Variants in RASSF7 observed in about 807,000 individuals in gnomAD.
RASSF7 encodes Ras association domain family member 7, also known as ras association domain-containing protein 7.
In RASSF7, 41 loss-of-function variants were observed where a neutral mutation model predicts 33.8. The ratio of observed to expected loss-of-function variants is 1.21; its 90% CI spans 0.95 to 1.57. The LOEUF (loss-of-function observed/expected upper bound fraction) is 1.57, where lower values mean the gene tolerates loss of function less well. Among genes scored for constraint, RASSF7 ranks in the 40% most tolerant of loss-of-function variants. RASSF7 has a pLI of 0.00. For synonymous variants in RASSF7, 298 were observed against 212.8 expected, an observed-to-expected ratio of 1.40 and a Z score of -3.48; for missense variants, 622 against 497.0, an observed-to-expected ratio of 1.25 and a Z score of -2.39.
In RASSF7 at chr11:562,547, C is replaced by T. The variant is rs1355248364; in HGVS notation, c.593C>T (p.Ala198Val). The change falls in exon 3 of 6, where the codon GCG (alanine) becomes GTG (valine). Residue 198 changes from alanine (A) to valine (V), a missense_variant. Ala to Val is a moderately conservative substitution (Grantham distance 64, BLOSUM62 0). Transcript: ENST00000397583. Reference sequence around the variant, plus strand: ...CAGGCACGCCTGCAGGCACTAAGTGCGGCCACTGCTGAGCATGCCGCCCGG... The same window carrying T: ...CAGGCACGCCTGCAGGCACTAAGTGTGGCCACTGCTGAGCATGCCGCCCGG... ...EGQARLQALSAATAEHAARLQ... is the reference protein window; with the variant it reads ...EGQARLQALSVATAEHAARLQ... 2.3e-5 allele frequency: 35 copies of T among 1,547,346 alleles called. No homozygotes were observed. The highest frequency in any genetic ancestry group is 1.6e-4 in the African/African-American group (12 of 73,020).
In RASSF7 at chr11:561,454, A is replaced by T; in HGVS notation, c.-31A>T. ...GCGGGCGCCTCCGCGCCGCCCGGGG[A>T]GGGGGCAGTGTCCTCCGAGCCAGGT... On this transcript the variant is annotated 5_prime_UTR_variant, in exon 1 of 6. Transcript: ENST00000397583. 1 of 1,163,036 alleles carries T rather than the reference A, an allele frequency of 8.6e-7. No homozygotes were observed. 72.0% of individuals were successfully genotyped at this position (1,163,036 alleles called of 1,614,324 possible). A position where few individuals can be genotyped will look rare whatever the true frequency, so the allele number is the denominator to read the frequency against.
chr11:561,337 G>C lies in RASSF7; in HGVS notation c.-148G>C. The C allele has an allele frequency of 7.0e-6, 7 of 1,005,126 alleles. No individual in the cohort carries two copies. The highest frequency in any genetic ancestry group is 8.3e-6 in the Non-Finnish European group (7 of 843,296). The allele number at this position is 1,005,126 out of a possible 1,614,324, so 62.3% of individuals were successfully genotyped here. ...GACCCGGAGTCTGCTCCATCTGCAG[G>C]GTCGAGGTCTGGGTTGCGACCCCGA... On this transcript the variant is annotated 5_prime_UTR_variant, in exon 1 of 6. Coordinates refer to ENST00000397583, the MANE Select transcript of RASSF7 (RefSeq NM_003475.4).
chr11:562,897 C>T, intron 3 of RASSF7, 121 bp downstream of exon 3: 2 of 880,816 alleles, frequency 2.3e-6, no homozygotes, highest in East Asian at 2.7e-5. Context: ...GTCACTCCCC[C>T]ACCCCTGACG....
In RASSF7 at chr11:561,173, G is replaced by A; in HGVS notation, c.-312G>A. 1.0e-6 allele frequency: 1 copy of A among 984,960 alleles called. No homozygotes were observed. Among genetic ancestry groups the A allele is most frequent in the Non-Finnish European group, 1.2e-6 (1 of 829,778 alleles). The allele number at this position is 984,960 out of a possible 1,614,324, so 61.0% of individuals were successfully genotyped here. Reference sequence around the variant, plus strand: ...GCGCCGCACCTGCGCCCGCCCTGCGGAACGGGGACGCCCTGGCTCCCGCCA... The same window carrying A: ...GCGCCGCACCTGCGCCCGCCCTGCGAAACGGGGACGCCCTGGCTCCCGCCA... On this transcript the variant is annotated 5_prime_UTR_variant, in exon 1 of 6. Coordinates refer to ENST00000397583, the MANE Select transcript of RASSF7 (RefSeq NM_003475.4).
At position 563,420 on chromosome 11, in the gene RASSF7, G is replaced by T. The variant is rs746343919; in HGVS notation, c.976G>T (p.Glu326Ter). 1.2e-6 allele frequency: 2 copies of T among 1,611,836 alleles called. No homozygotes were observed. The highest frequency in any genetic ancestry group is 3.3e-5 in the Admixed American group (2 of 59,944). The change falls in exon 5 of 6, where the codon GAG becomes TAG. Residue 326 changes from glutamate (E) to a stop codon, truncating the protein, a stop_gained. Coordinates refer to ENST00000397583, the MANE Select transcript of RASSF7 (RefSeq NM_003475.4). LOFTEE classifies it high-confidence loss of function. ...GGGCCCTCTGCCTCCAGCCAGAGAG[G>T]AGTCCCTCCTGGGCGCTCCCTCTGA... ...TQGPLPPARE[E>*]SLLGAPSESH...
At position 561,211 on chromosome 11, in the gene RASSF7, G is replaced by C. The variant is rs1853280029; in HGVS notation, c.-274G>C. On this transcript the variant is annotated 5_prime_UTR_variant, in exon 1 of 6. Coordinates refer to ENST00000397583, the MANE Select transcript of RASSF7 (RefSeq NM_003475.4). ...CTGGCTCCCGCCAGGCTGGGGTCGC[G>C]GCGCGGGCTTCGGTGCCCGCGGCGG... 4 of 985,026 alleles carry C rather than the reference G, an allele frequency of 4.1e-6. No homozygotes were observed. Among genetic ancestry groups the C allele is most frequent in the South Asian group, 9.4e-5 (2 of 21,350 alleles). The allele number at this position is 985,026 out of a possible 1,614,324, so 61.0% of individuals were successfully genotyped here. A position where few individuals can be genotyped will look rare whatever the true frequency, so the allele number is the denominator to read the frequency against.
Position 562,645 on chromosome 11 carries a change from C to T in RASSF7, c.691C>T (p.Pro231Ser), listed in dbSNP as rs1360136208. 4.5e-6 allele frequency: 7 copies of T among 1,543,740 alleles called. No homozygotes were observed. In the Admixed American group the frequency reaches 1.2e-4, roughly 26 times the overall value. Residue 231 changes from proline to serine, a missense_variant, in exon 3 of 6, where the codon CCC becomes TCC. Pro to Ser is a moderately conservative substitution (Grantham distance 74). Coordinates refer to ENST00000397583, the MANE Select transcript of RASSF7 (RefSeq NM_003475.4). Reference protein sequence around the residue: ...LQLAAEAPGPPSPMASATERL... With the variant: ...LQLAAEAPGPSSPMASATERL... ...GCTGGCAGCGGAGGCCCCTGGGCCC[C>T]CCTCACCTATGGCATCTGCCACTGA...
rs955629755 is a variant in RASSF7 at position 561,051 on chromosome 11, C to T, written c.-434C>T. ...GCGCCCAGGTGAGCCGCGCCGGGTC[C>T]CCGGTACTTGGGAGCGCGGGGCGCG... is the stretch of plus-strand genomic sequence containing the variant. On this transcript the variant is annotated 5_prime_UTR_variant, in exon 1 of 6. Transcript: ENST00000397583. The T allele has an allele frequency of 1.1e-5, 11 of 994,038 alleles. No individual in the cohort carries two copies. The African/African-American group carries it at 1.2e-4, about 11-fold the overall frequency. The allele number at this position is 994,038 out of a possible 1,614,324, so 61.6% of individuals were successfully genotyped here. A position where few individuals can be genotyped will look rare whatever the true frequency, so the allele number is the denominator to read the frequency against.
chr11:563,676 C>T lies in RASSF7; in HGVS notation c.*31C>T, dbSNP rs1261483916. The T allele has an allele frequency of 3.8e-6, 6 of 1,567,174 alleles. No homozygotes were observed. The highest frequency in any genetic ancestry group is 4.3e-6 in the Non-Finnish European group (5 of 1,153,108). On this transcript the variant is annotated 3_prime_UTR_variant, in exon 6 of 6. Transcript: ENST00000397583. ...TAGTGAGGGCTGCAAGACCATCCTG[C>T]CCGGACCACAGAAGGAGAGTTGGCG...
chr11:561,693 G>A, intron 1 of RASSF7, 69 bp from the exon 2 acceptor site: 2 of 1,599,244 alleles, frequency 1.3e-6, no homozygotes, highest in East Asian at 2.2e-5. Flanking sequence ...CCAAGAGGAT[G>A]AGGAGAGGAG....
In RASSF7 at chr11:562,480, G is replaced by C. The variant is rs746715124; in HGVS notation, c.526G>C (p.Glu176Gln). 7.1e-6 allele frequency: 11 copies of C among 1,550,316 alleles called. No homozygotes were observed. Among genetic ancestry groups the C allele is most frequent in the Middle Eastern group, 1.7e-4 (1 of 5,798 alleles). ...GGAGCTGGGCCATGAGGCCTTCTGG[G>C]AGCAAGAGCTGCGCCGGGAGCAGGC... ...AEELGHEAFW[E>Q]QELRREQARE... is the part of the protein sequence containing the mutation. The change falls in exon 3 of 6, where the codon GAG (glutamate) becomes CAG (glutamine). Residue 176 changes from glutamate to glutamine, a missense_variant. By Grantham distance (29) the Glu-to-Gln change is conservative (BLOSUM62 2). Transcript: ENST00000397583.
Position 562,197 on chromosome 11 carries a change from G to A in RASSF7, c.243G>A (p.Gln81=). The A allele has an allele frequency of 2.5e-6, 4 of 1,599,600 alleles. No homozygotes were observed. The highest frequency in any genetic ancestry group is 3.4e-6 in the Non-Finnish European group (4 of 1,172,612). Residue 81 remains glutamine, a synonymous_variant, in exon 3 of 6, where the codon CAG becomes CAA. Coordinates refer to ENST00000397583, the MANE Select transcript of RASSF7 (RefSeq NM_003475.4). ...GCGGACAGTTTGCCAGCGATGTCCA[G>A]TTTGTCCTGAGGCGCACAGGGCCCA... The part of the protein sequence containing the change: ...ATCGQFASDV[Q]FVLRRTGPSL...
At position 563,178 on chromosome 11, in the gene RASSF7, T is replaced by C. The variant is rs1390692045; in HGVS notation, c.823-11T>C. ...GTGGCTGTGCCTCCTAAGGATCTCATGTGTCCCCAGGCTCAGGCTCAGGAG... is the reference window on the plus strand; with the variant it reads ...GTGGCTGTGCCTCCTAAGGATCTCACGTGTCCCCAGGCTCAGGCTCAGGAG... On this transcript the variant is annotated splice_polypyrimidine_tract_variant and intron_variant, in intron 3 of 5. Transcript: ENST00000397583. 6.4e-7 allele frequency: 1 copy of C among 1,562,930 alleles called. No homozygotes were observed. The highest frequency in any genetic ancestry group is 1.8e-5 in the Admixed American group (1 of 55,884).
chr11:561,021 G>C lies in RASSF7; in HGVS notation c.-464G>C, dbSNP rs574560334. The C allele has an allele frequency of 9.9e-7, 1 of 1,012,414 alleles. No individual in the cohort carries two copies. Among genetic ancestry groups the C allele is most frequent in the Non-Finnish European group, 1.2e-6 (1 of 848,494 alleles). 62.7% of individuals were successfully genotyped at this position (1,012,414 alleles called of 1,614,324 possible). On this transcript the variant is annotated 5_prime_UTR_variant, in exon 1 of 6. Coordinates refer to ENST00000397583, the MANE Select transcript of RASSF7 (RefSeq NM_003475.4). ...CGGCGCCGGAGCGGGTCTCCAGGCTGGCGAGCGCCCAGGTGAGCCGCGCCG... is the reference window on the plus strand; with the variant it reads ...CGGCGCCGGAGCGGGTCTCCAGGCTCGCGAGCGCCCAGGTGAGCCGCGCCG...
chr11:562,829 A>G lies in RASSF7; in HGVS notation c.822+53A>G, dbSNP rs1030645293. ...ACTCCCCCACCCCTGATATGGGCAG[A>G]TACGGGGATCACAGGGTCCCACTCG... On this transcript the variant is annotated intron_variant, in intron 3 of 5. Coordinates refer to ENST00000397583, the MANE Select transcript of RASSF7 (RefSeq NM_003475.4). The G allele has an allele frequency of 3.7e-6, 5 of 1,360,628 alleles. No homozygotes were observed. The African/African-American group carries it at 7.3e-5, about 20-fold the overall frequency. The allele number at this position is 1,360,628 out of a possible 1,614,324, so 84.3% of individuals were successfully genotyped here. A position where few individuals can be genotyped will look rare whatever the true frequency, so the allele number is the denominator to read the frequency against.
At chr11:561,954 AGCTCCAT>A in intron 2 of RASSF7, 62 bp downstream of exon 2, 1 of 1,602,868 alleles carries the variant, frequency 6.2e-7, no homozygotes, top group African/African-American at 1.3e-5. Flanking sequence ...CTGGTGGTCC[AGCTCCAT>A]GGTCTCCCCC....
chr11:561,813 T>G lies in RASSF7; in HGVS notation c.45T>G (p.Asp15Glu). 1 of 1,613,268 alleles carries G rather than the reference T, an allele frequency of 6.2e-7. No homozygotes were observed. Among genetic ancestry groups the G allele is most frequent in the Non-Finnish European group, 8.5e-7 (1 of 1,179,976 alleles). The change falls in exon 2 of 6, where the codon GAT becomes GAG. Residue 15 changes from aspartate to glutamate, a missense_variant. Physicochemically the swap from Asp to Glu is conservative, Grantham distance 45 (BLOSUM62 2). Coordinates refer to ENST00000397583, the MANE Select transcript of RASSF7 (RefSeq NM_003475.4). The stretch of plus-strand genomic sequence containing the variant: ...CCATGGAGCTGAAGGTGTGGGTGGA[T>G]GGCATCCAGCGTGTGGTCTGTGGGG... ...LAAMELKVWV[D>E]GIQRVVCGVS...
Position 561,449 on chromosome 11 carries a change from C to G in RASSF7, c.-36C>G, listed in dbSNP as rs950845282. ...GGCGTGCGGGCGCCTCCGCGCCGCCCGGGGAGGGGGCAGTGTCCTCCGAGC... is the reference window on the plus strand; with the variant it reads ...GGCGTGCGGGCGCCTCCGCGCCGCCGGGGGAGGGGGCAGTGTCCTCCGAGC... On this transcript the variant is annotated 5_prime_UTR_variant, in exon 1 of 6. Transcript: ENST00000397583. The G allele has an allele frequency of 5.1e-6, 6 of 1,182,748 alleles. No homozygotes were observed. Among genetic ancestry groups the G allele is most frequent in the African/African-American group, 3.2e-5 (2 of 62,874 alleles). The allele number at this position is 1,182,748 out of a possible 1,614,324, so 73.3% of individuals were successfully genotyped here.
chr11:563,716 C>T lies in RASSF7; in HGVS notation c.*71C>T, dbSNP rs575299541. On this transcript the variant is annotated 3_prime_UTR_variant, in exon 6 of 6. Transcript: ENST00000397583. ...GAGAGTTGGCGGTCACAGAGGGCTC[C>T]TCTGCCAGGCAGTGGGAAGCCCTGG... is the stretch of plus-strand genomic sequence containing the variant. 3 of 1,394,614 alleles carry T rather than the reference C, an allele frequency of 2.2e-6. No individual in the cohort carries two copies. Among genetic ancestry groups the T allele is most frequent in the African/African-American group, 2.8e-5 (2 of 70,430 alleles). 86.4% of individuals were successfully genotyped at this position (1,394,614 alleles called of 1,614,324 possible). A position where few individuals can be genotyped will look rare whatever the true frequency, so the allele number is the denominator to read the frequency against.
Sources: allele counts gnomAD v4.1 joint callset, GRCh38; gene constraint gnomAD v4.1.1; transcripts MANE v1.5; gene names NCBI Gene and HGNC (gene_info 2026-07-23, HGNC 2026-07-21).